FGF2: variants seen among roughly 807,000 people sequenced by gnomAD.
FGF2 encodes fibroblast growth factor 2.
A neutral mutation model predicts 15.9 loss-of-function variants in FGF2; 13 were observed. The observed-to-expected ratio is 0.82, with a 90% CI of 0.53 to 1.30. The LOEUF (loss-of-function observed/expected upper bound fraction) is 1.30. Ranked by LOEUF, FGF2 falls within the 50% of genes most tolerant of loss-of-function variation. The pLI, the probability that FGF2 is intolerant of heterozygous loss-of-function variation, is 0.00. For synonymous variants in FGF2, 90 were observed against 78.4 expected (o/e 1.15, Z -0.78); for missense variants, 163 against 196.9 (o/e 0.83, Z 1.03).
rs533153673 is a variant in FGF2, at chr4:122,892,418, T to C, written c.*22T>C. The C allele has an allele frequency of 4.5e-5, 73 of 1,612,198 alleles. No individual in the cohort carries two copies. In the South Asian group the frequency reaches 7.0e-4, roughly 16 times the overall value. On this transcript the variant is annotated 3_prime_UTR_variant, in exon 3 of 3. Transcript: ENST00000644866. ...CTGATTTTAATGGCCACATCTAATC[T>C]CATTTCACATGAAAGAAGAAGTATA...
At chr4:122,852,424 T>G (rs308439) in intron 1 of FGF2, among the ~76,000 whole-genome samples, 13,246 of 152,256 alleles carry the variant, frequency 0.087, 973 homozygotes, top group African/African-American at 0.2. Context: ...TAAGCCGCTG[T>G]TTGCATCCTG....
At chr4:122,843,707 G>A (rs536160002) in intron 1 of FGF2, among the ~76,000 whole-genome samples, 11 of 152,260 alleles carry the variant, frequency 7.2e-5, no homozygotes, top group South Asian at 4.1e-4. Context: ...ACAATAAAGC[G>A]AGCCACATAA....
At chr4:122,879,600 T>C (rs551318188) in intron 2 of FGF2, among the ~76,000 whole-genome samples, 19 of 152,228 alleles carry the variant, frequency 1.2e-4, no homozygotes, top group Non-Finnish European at 2.2e-4. Context: ...ATTAGTCCAT[T>C]TTCATGCTGC....
rs531899850 is a variant in FGF2 at position 122,895,099 on chromosome 4, A to G, written c.*2703A>G. 6.6e-6 allele frequency: 1 copy of G among 152,326 alleles called. No individual in the cohort carries two copies. The highest frequency in any genetic ancestry group is 2.1e-4 in the South Asian group (1 of 4,826). 9.4% of individuals were successfully genotyped at this position (152,326 alleles called of 1,614,324 possible). ...AACTGACTGAAAATTGAATGGGCAAATAAGTGCTTTTGTCTCCAGAGTATG... is the reference window on the plus strand; with the variant it reads ...AACTGACTGAAAATTGAATGGGCAAGTAAGTGCTTTTGTCTCCAGAGTATG... On this transcript the variant is annotated 3_prime_UTR_variant, in exon 3 of 3. Transcript: ENST00000644866.
At chr4:122,844,528 T>C (rs1208620034) in intron 1 of FGF2, among the ~76,000 whole-genome samples, 1 of 151,894 alleles carries the variant, frequency 6.6e-6, no homozygotes, top group Non-Finnish European at 1.5e-5. Flanking sequence ...TCTTTCTTTC[T>C]TTTTCTTTTT....
In FGF2 at chr4:122,892,980, C is replaced by T. The variant is rs979306193; in HGVS notation, c.*584C>T. ...TACCCATACAGCAGCAGCCTAGCAA[C>T]TCTGCTGGTGATGGGAGTTGTATTT... On this transcript the variant is annotated 3_prime_UTR_variant, in exon 3 of 3. Coordinates refer to ENST00000644866, the MANE Select transcript of FGF2 (RefSeq NM_001361665.2). 5 of 1,614,052 alleles carry T rather than the reference C, an allele frequency of 3.1e-6. No individual in the cohort carries two copies. The East Asian group carries it at 6.7e-5, about 22-fold the overall frequency.
At chr4:122,837,435 A>C (rs952618989) in intron 1 of FGF2, among the ~76,000 whole-genome samples, 27 of 152,228 alleles carry the variant, frequency 1.8e-4, no homozygotes, top group Non-Finnish European at 3.4e-4. Context: ...TCACTTGATA[A>C]ACACTTTGCT....
intron 1 of FGF2, among the ~76,000 whole-genome samples, chr4:122,857,167 A>G (rs1274908830): frequency 1.3e-5 from 2 of 152,202 alleles, no homozygotes; most frequent in African/African-American, 2.4e-5. Context: ...CTGAATTACA[A>G]TACCTCCACA....
intron 1 of FGF2, among the ~76,000 whole-genome samples, chr4:122,856,375 G>GA (rs1726341330): frequency 1.3e-5 from 2 of 152,116 alleles, no homozygotes; most frequent in South Asian, 4.1e-4. Context: ...ATTGTAAAAT[G>GA]AAAAAATCTA....
intron 1 of FGF2, among the ~76,000 whole-genome samples, chr4:122,874,500 T>G (rs1376229754): frequency 1.3e-5 from 2 of 152,174 alleles, no homozygotes; most frequent in Non-Finnish European, 2.9e-5. Flanking sequence ...ATTCTAAGAT[T>G]GTCTTTTTTT....
At position 122,827,461 on chromosome 4, in the gene FGF2, C is replaced by G. The variant is rs2922979; in HGVS notation, c.178+109C>G. On this transcript the variant is annotated intron_variant, in intron 1 of 2. Coordinates refer to ENST00000644866, the MANE Select transcript of FGF2 (RefSeq NM_001361665.2). The surrounding 1 kb of genome is among the most constrained non-coding windows in gnomAD (Gnocchi z 4.2). Reference sequence around the variant, plus strand: ...CCGGATCTTCACTGCGACCCTAGCGCTCCGTGTGGTTTCTGGCCGCGCGGC... The same window carrying G: ...CCGGATCTTCACTGCGACCCTAGCGGTCCGTGTGGTTTCTGGCCGCGCGGC... 429,497 of 1,280,830 alleles carry G rather than the reference C, an allele frequency of 0.34. 81,409 individuals are homozygous for G. The highest frequency in any genetic ancestry group is 0.75 in the African/African-American group (50,654 of 67,810). 79.3% of individuals were successfully genotyped at this position (1,280,830 alleles called of 1,614,324 possible).
At chr4:122,881,774 C>T (rs57648324) in intron 2 of FGF2, 24,607 of 155,132 alleles carry the variant, frequency 0.16, 2,468 homozygotes, top group East Asian at 0.45. Context: ...GTCACTTCCA[C>T]GTTTTTGGGT....
chr4:122,853,173 C>T (rs1726271277), intron 1 of FGF2, among the ~76,000 whole-genome samples: 1 of 152,092 alleles, frequency 6.6e-6, no homozygotes, highest in Non-Finnish European at 1.5e-5. Context: ...TGGTGGGTGC[C>T]TGTGGTCCCA....
intron 1 of FGF2, among the ~76,000 whole-genome samples, chr4:122,866,471 T>C (rs1197931784): frequency 6.6e-6 from 1 of 151,876 alleles, no homozygotes; most frequent in Non-Finnish European, 1.5e-5. Context: ...CTAGAACATA[T>C]AATGAACTCT....
intron 1 of FGF2, among the ~76,000 whole-genome samples, chr4:122,846,184 A>T (rs1205061710): frequency 6.6e-6 from 1 of 152,214 alleles, no homozygotes; most frequent in African/African-American, 2.4e-5. Context: ...GCTGTCTTAT[A>T]TGGGTGTAGT....
At chr4:122,867,939 C>T (rs1418435488) in intron 1 of FGF2, among the ~76,000 whole-genome samples, 2 of 152,298 alleles carry the variant, frequency 1.3e-5, no homozygotes, top group Admixed American at 6.5e-5. Flanking sequence ...GCCAGATCAG[C>T]TTTCTTATAC....
chr4:122,895,666 C>G lies in FGF2; in HGVS notation c.*3270C>G, dbSNP rs1727327656. On this transcript the variant is annotated 3_prime_UTR_variant, in exon 3 of 3. Transcript: ENST00000644866. ...TATACTCTTAGGGTATTATTTTATA[C>G]AAAAGCCTTGAGGATTGCATTCTAT... is the stretch of plus-strand genomic sequence containing the variant. 1 of 152,148 alleles carries G rather than the reference C, an allele frequency of 6.6e-6. No individual in the cohort carries two copies. Among genetic ancestry groups the G allele is most frequent in the Admixed American group, 6.5e-5 (1 of 15,280 alleles). 9.4% of individuals were successfully genotyped at this position (152,148 alleles called of 1,614,324 possible).
chr4:122,879,438 C>T (rs888268197), intron 2 of FGF2, among the ~76,000 whole-genome samples: 2 of 152,214 alleles, frequency 1.3e-5, no homozygotes, highest in African/African-American at 4.8e-5. Flanking sequence ...ACAACATTTG[C>T]TCCTGTTATA....
rs60122519 is a variant in FGF2 at position 122,863,903 on chromosome 4, C to A, written c.179-12418C>A. Among the ~76,000 whole-genome samples the A allele has an allele frequency of 3.4e-3, 517 of 152,282 alleles. 1 individual carries two copies. Among genetic ancestry groups the A allele is most frequent in the African/African-American group, 0.012 (496 of 41,542 alleles). On this transcript the variant is annotated intron_variant, in intron 1 of 2. Coordinates refer to ENST00000644866, the MANE Select transcript of FGF2 (RefSeq NM_001361665.2). ...GGAAGCTTCAGCTCTGCTCATAAGG[C>A]CTTTCAACTGATTGAAACAGGCCTG...
Sources: gnomAD v4.1 joint callset for allele counts (sites outside exome capture counted in the v4.1 genomes callset) on GRCh38, gnomAD v4.1.1 for gene constraint, Gnocchi (gnomAD v3.1) non-coding constraint, MANE v1.5 for transcripts, NCBI Gene and HGNC (gene_info 2026-07-23, HGNC 2026-07-21) for gene names.